The following CREB5 variants were observed in gnomAD, a reference collection of about 807,000 sequenced individuals.
The protein encoded by CREB5 is cAMP responsive element binding protein 5.
CREB5 carries 19 observed loss-of-function variants against 57.1 expected under a neutral mutation model. The observed-to-expected ratio is 0.33, with a 90% CI of 0.23 to 0.49. The LOEUF (loss-of-function observed/expected upper bound fraction) is 0.49, where lower values mean the gene tolerates loss of function less well. Ranked by LOEUF, CREB5 falls within the 20% of genes least tolerant of loss-of-function variation. The pLI is 0.99. For missense variants in CREB5, 579 were observed against 671.6 expected (o/e 0.86, Z 1.52); for synonymous variants, 238 against 238.3 (o/e 1.00, Z 0.01).
intron 1 of CREB5, among the ~76,000 whole-genome samples, chr7:28,347,167 A>G (rs1322118010): frequency 1.3e-5 from 2 of 152,232 alleles, no homozygotes; most frequent in African/African-American, 4.8e-5. Context: ...TCATGTGCAA[A>G]CATGCAATGT....
At chr7:28,378,432 T>TA (rs1786890994) in intron 1 of CREB5, among the ~76,000 whole-genome samples, 1 of 152,114 alleles carries the variant, frequency 6.6e-6, no homozygotes. Context: ...CCCTAAAACT[T>TA]AAAGTATAAA....
intron 1 of CREB5, among the ~76,000 whole-genome samples, chr7:28,426,292 G>A (rs1020406777): frequency 6.6e-6 from 1 of 152,218 alleles, no homozygotes; most frequent in Non-Finnish European, 1.5e-5. Flanking sequence ...CCAGTAAATG[G>A]AGGAGTTGGG....
In CREB5 at chr7:28,534,744, T is replaced by C. The variant is rs1583591056; in HGVS notation, c.291+27007T>C. Among the ~76,000 whole-genome samples the C allele has an allele frequency of 2.1e-5, 3 of 142,938 alleles. 1 individual carries two copies. Among genetic ancestry groups the C allele is most frequent in the Middle Eastern group, 7.1e-3 (2 of 280 alleles). The allele number at this position is 142,938 out of a possible 152,430, so 93.8% of individuals were successfully genotyped here. ...ATCATCATCTTAACAAATATTTATGTAGTGCTTATAGAAATTAATTTTTGT... is the reference window on the plus strand; with the variant it reads ...ATCATCATCTTAACAAATATTTATGCAGTGCTTATAGAAATTAATTTTTGT... On this transcript the variant is annotated intron_variant, in intron 4 of 10. Transcript: ENST00000357727.
chr7:28,410,083 G>T, upstream of CREB5: 2 of 397,796 alleles, frequency 5.0e-6, no homozygotes, highest in South Asian at 1.9e-5. Flanking sequence ...CGCGCGCGCA[G>T]GGGGCTCGCT....
chr7:28,765,256 G>A (rs889759858), intron 7 of CREB5, among the ~76,000 whole-genome samples: 2 of 152,208 alleles, frequency 1.3e-5, no homozygotes, highest in African/African-American at 4.8e-5. Context: ...ACAGTCTGGT[G>A]TGGTATGATT....
At chr7:28,689,814 G>A (rs1801154667) in intron 5 of CREB5, among the ~76,000 whole-genome samples, 1 of 152,056 alleles carries the variant, frequency 6.6e-6, no homozygotes, top group South Asian at 2.1e-4. Flanking sequence ...GCCTGTGTCT[G>A]CTGCATTTTT....
chr7:28,672,997 C>A (rs552839159), intron 5 of CREB5, among the ~76,000 whole-genome samples: 1 of 152,120 alleles, frequency 6.6e-6, no homozygotes, highest in Non-Finnish European at 1.5e-5. Context: ...AGAAACCACC[C>A]GCCCCATACC....
chr7:28,684,936 CG>C (rs1800786660), intron 5 of CREB5, among the ~76,000 whole-genome samples: 1 of 151,938 alleles, frequency 6.6e-6, no homozygotes, highest in Admixed American at 6.6e-5. Context: ...TTGTCATTGT[CG>C]TGGTGGAGCC....
At chr7:28,707,214 T>G (rs554044588) in intron 5 of CREB5, among the ~76,000 whole-genome samples, 2 of 152,336 alleles carry the variant, frequency 1.3e-5, no homozygotes, top group East Asian at 3.9e-4. Context: ...ATAGCTTTAC[T>G]TTGTGTTTTA....
chr7:28,452,585 G>A (rs1342681473), intron 1 of CREB5, among the ~76,000 whole-genome samples: 1 of 152,184 alleles, frequency 6.6e-6, no homozygotes, highest in Non-Finnish European at 1.5e-5. Context: ...AAGGATCCAG[G>A]CACTAGGAAC....
At chr7:28,319,393 G>A (rs1013516290) in intron 1 of CREB5, among the ~76,000 whole-genome samples, 5 of 152,144 alleles carry the variant, frequency 3.3e-5, no homozygotes, top group Admixed American at 2.6e-4. Context: ...CTCAATGTTG[G>A]CAAGTTGCAG....
At chr7:28,777,310 ACTTGC>A (rs1284982497) in intron 7 of CREB5, among the ~76,000 whole-genome samples, 1 of 152,166 alleles carries the variant, frequency 6.6e-6, no homozygotes, top group Non-Finnish European at 1.5e-5. Flanking sequence ...ACAATTTTAT[ACTTGC>A]CTTTTCATTT....
chr7:28,506,256 A>G (rs1375701976), intron 3 of CREB5, among the ~76,000 whole-genome samples: 1 of 152,244 alleles, frequency 6.6e-6, no homozygotes, highest in Non-Finnish European at 1.5e-5. Context: ...ACTGGGCTTA[A>G]CTATTCTCTG....
intron 7 of CREB5, among the ~76,000 whole-genome samples, chr7:28,800,291 C>T (rs1808286246): frequency 1.3e-5 from 2 of 151,396 alleles, no homozygotes; most frequent in South Asian, 2.1e-4. Flanking sequence ...AGGGAAAGAG[C>T]GTCCTAGGCA....
intron 7 of CREB5, among the ~76,000 whole-genome samples, chr7:28,792,964 A>G (rs1397085677): frequency 6.6e-6 from 1 of 152,208 alleles, no homozygotes. Flanking sequence ...CTTTAGCAGG[A>G]TGGTAGAACT....
At chr7:28,680,521 G>T (rs1311296827) in intron 5 of CREB5, among the ~76,000 whole-genome samples, 1 of 152,122 alleles carries the variant, frequency 6.6e-6, no homozygotes, top group African/African-American at 2.4e-5. Context: ...ACTTTGGAAG[G>T]CCAAGCTGGG....
chr7:28,718,265 G>A (rs1414810673), intron 5 of CREB5, among the ~76,000 whole-genome samples: 1 of 152,226 alleles, frequency 6.6e-6, no homozygotes, highest in African/African-American at 2.4e-5. Flanking sequence ...ACAGATTTCT[G>A]TTGGGAATTC....
At chr7:28,723,635 G>C (rs529721794) in intron 6 of CREB5, among the ~76,000 whole-genome samples, 1 of 152,280 alleles carries the variant, frequency 6.6e-6, no homozygotes, top group South Asian at 2.1e-4. Flanking sequence ...CAATGATTGT[G>C]TTTGTGAACT....
intron 7 of CREB5, among the ~76,000 whole-genome samples, chr7:28,767,396 A>G (rs551347587): frequency 6.6e-6 from 1 of 152,352 alleles, no homozygotes; most frequent in African/African-American, 2.4e-5. Context: ...TATATTCATG[A>G]CATTATTTTC....
Sources: gnomAD v4.1 joint callset for allele counts (sites outside exome capture counted in the v4.1 genomes callset) on GRCh38, gnomAD v4.1.1 for gene constraint, MANE v1.5 for transcripts, NCBI Gene and HGNC (gene_info 2026-07-23, HGNC 2026-07-21) for gene names.